The following USP40 variants were observed in gnomAD, a reference collection of about 807,000 sequenced individuals.
The protein encoded by USP40 is ubiquitin carboxyl-terminal hydrolase 40.
Under a neutral mutation model 166.2 loss-of-function variants are expected in USP40, and 143 were observed. The observed-to-expected ratio is 0.86, with a 90% CI of 0.75 to 0.99. USP40 has a LOEUF of 0.99. USP40 is among the 50% of genes least tolerant of loss of function. The pLI is 0.00. For synonymous variants in USP40, 498 were observed against 524.0 expected, an observed-to-expected ratio of 0.95 and a Z score of 0.68; for missense variants, 1,444 against 1,479.7, an observed-to-expected ratio of 0.98 and a Z score of 0.40.
intron 18 of USP40, among the ~76,000 whole-genome samples, chr2:233,515,941 T>C (rs1382647581): frequency 6.6e-6 from 1 of 152,216 alleles, no homozygotes; most frequent in Non-Finnish European, 1.5e-5. Context: ...AAAAATGCTA[T>C]CTCTCTGCAT....
chr2:233,515,676 G>C (rs1423202046), intron 18 of USP40, among the ~76,000 whole-genome samples: 1 of 152,064 alleles, frequency 6.6e-6, no homozygotes, highest in Non-Finnish European at 1.5e-5. Flanking sequence ...AAGAGTAGAA[G>C]TTTAAAATTT....
chr2:233,533,622 CTA>C lies in USP40; in HGVS notation c.1326_1327del (p.Asn442LysfsTer9). On this transcript the variant is annotated frameshift_variant, in exon 11 of 32. Coordinates refer to ENST00000678225, the MANE Select transcript of USP40 (RefSeq NM_001365479.2). LOFTEE classifies it high-confidence loss of function. ...ATCAAACCAGTGGGGACAGGAGATG[CTA>C]TTGTTTAAACCTGGGGATTCTGGAG... 1 of 1,613,710 alleles carries C rather than the reference CTA, an allele frequency of 6.2e-7. No individual in the cohort carries two copies. The highest frequency in any genetic ancestry group is 2.2e-5 in the East Asian group (1 of 44,856).
chr2:233,517,955 C>A (rs2067353691), intron 18 of USP40, among the ~76,000 whole-genome samples: 2 of 149,616 alleles, frequency 1.3e-5, no homozygotes, highest in South Asian at 4.3e-4. Context: ...TATGTTCTCA[C>A]TGATACGTGG....
chr2:233,566,732 C>A lies in USP40; in HGVS notation c.-68G>T. On this transcript the variant is annotated 5_prime_UTR_variant, in exon 1 of 32. Transcript: ENST00000678225. ...CTGGCCAAAACGCGAAGCGAACGAA[C>A]CCGCCCCAACTGGGCGCCGCCATGT... 1.0e-6 allele frequency: 1 copy of A among 985,996 alleles called. No homozygotes were observed. The highest frequency in any genetic ancestry group is 1.2e-6 in the Non-Finnish European group (1 of 830,008). 61.1% of individuals were successfully genotyped at this position (985,996 alleles called of 1,614,324 possible).
At position 233,524,315 on chromosome 2, in the gene USP40, A is replaced by G. The variant is rs935194975; in HGVS notation, c.1881+177T>C. On this transcript the variant is annotated intron_variant, in intron 15 of 31. Coordinates refer to ENST00000678225, the MANE Select transcript of USP40 (RefSeq NM_001365479.2). ...TAGCTAATTTTTGTATTTTTAATAGAGATGGGGCTTCACTATGATGGCCAG... is the reference window on the plus strand; with the variant it reads ...TAGCTAATTTTTGTATTTTTAATAGGGATGGGGCTTCACTATGATGGCCAG... Among the ~76,000 whole-genome samples, 19 of 152,174 alleles carry G rather than the reference A, an allele frequency of 1.2e-4. 1 individual carries two copies. Among genetic ancestry groups the G allele is most frequent in the African/African-American group, 4.6e-4 (19 of 41,444 alleles).
At chr2:233,522,149 C>G (rs929930449) in intron 16 of USP40, among the ~76,000 whole-genome samples, 1 of 152,160 alleles carries the variant, frequency 6.6e-6, no homozygotes, top group Non-Finnish European at 1.5e-5. Context: ...CTACAAATCT[C>G]AAGGTTGGGC....
chr2:233,529,796 T>TTC (rs2068353151), intron 11 of USP40, among the ~76,000 whole-genome samples: 2 of 132,246 alleles, frequency 1.5e-5, no homozygotes, highest in African/African-American at 2.9e-5. Flanking sequence ...TTCATCTTTT[T>TTC]TTTTTCTTTT....
chr2:233,491,428 G>T, intron 25 of USP40, 167 bp from the exon 26 acceptor site: 1 of 622,192 alleles, frequency 1.6e-6, no homozygotes, highest in African/African-American at 1.8e-5. Context: ...AAGCAGGCAG[G>T]GACATGTTGT....
chr2:233,502,837 T>C (rs963182996), intron 21 of USP40, among the ~76,000 whole-genome samples: 7 of 151,050 alleles, frequency 4.6e-5, no homozygotes, highest in Non-Finnish European at 8.8e-5. Flanking sequence ...CAACAACACA[T>C]CATTTCCAAC....
intron 3 of USP40, among the ~76,000 whole-genome samples, chr2:233,560,332 C>T (rs2071463147): frequency 6.6e-6 from 1 of 152,172 alleles, no homozygotes; most frequent in Admixed American, 6.5e-5. Context: ...TCTCAGCACA[C>T]CCTGCCTCAC....
chr2:233,565,128 C>T (rs2072022503), intron 2 of USP40, among the ~76,000 whole-genome samples: 1 of 152,044 alleles, frequency 6.6e-6, no homozygotes, highest in Non-Finnish European at 1.5e-5. Context: ...AAATATATTG[C>T]TTTATTTTTT....
intron 20 of USP40, among the ~76,000 whole-genome samples, chr2:233,511,179 T>G (rs1174500627): frequency 6.6e-6 from 1 of 152,172 alleles, no homozygotes; most frequent in Non-Finnish European, 1.5e-5. Context: ...AGGTCAAACC[T>G]GATGGTGTTT....
intron 5 of USP40, 94 bp downstream of exon 5, chr2:233,556,761 C>A: frequency 1.7e-6 from 2 of 1,165,790 alleles, no homozygotes; most frequent in East Asian, 3.0e-5. Flanking sequence ...TAGTAATAAA[C>A]ACTTTAATCC....
rs1170204681 is a variant in USP40 at position 233,523,471 on chromosome 2, G to A, written c.1900C>T (p.Gln634Ter). ...AGAGGTTCGCAGTCAATACCAGTTT[G>A]AATGTGGACTCCACCAACCTGCAAT... ...NGVEVGGVHI[Q>*]TGIDCEPLLL... Residue 634 changes from glutamine (Q) to a stop codon, truncating the protein, a stop_gained, in exon 16 of 32, where the codon CAA becomes TAA. Transcript: ENST00000678225. LOFTEE classifies it high-confidence loss of function. 6.2e-7 allele frequency: 1 copy of A among 1,613,318 alleles called. No individual in the cohort carries two copies. The highest frequency in any genetic ancestry group is 8.5e-7 in the Non-Finnish European group (1 of 1,179,456).
At chr2:233,510,019 C>A in intron 21 of USP40, 30 bp downstream of exon 21, 2 of 1,507,842 alleles carry the variant, frequency 1.3e-6, no homozygotes, top group Non-Finnish European at 1.8e-6. Flanking sequence ...ACACACACAG[C>A]CTCTGAAAAC....
chr2:233,565,632 C>T (rs2072077425), intron 1 of USP40, 59 bp from the exon 2 acceptor site: 2 of 1,390,124 alleles, frequency 1.4e-6, no homozygotes, highest in African/African-American at 1.4e-5. Context: ...CCCAAATCCC[C>T]CTACCTTACA....
chr2:233,496,669 C>T, intron 24 of USP40, 89 bp downstream of exon 24: 1 of 1,056,036 alleles, frequency 9.5e-7, no homozygotes. Context: ...GTCTGAATTT[C>T]CCCATTTTCC....
chr2:233,512,589 T>C lies in USP40; in HGVS notation c.2417A>G (p.Asn806Ser), dbSNP rs1441097685. The change falls in exon 19 of 32, where the codon AAT (asparagine) becomes AGT (serine). Residue 806 changes from asparagine to serine, a missense_variant. Transcript: ENST00000678225. ...DNSCLRPIDR[N>S]GKLLCPVPDS... is the part of the protein sequence containing the mutation. ...TTTACCTGGACAAAGAAGCTTCCCA[T>C]TTCTATCAATAGGTCTCAAACAGCT... is the stretch of plus-strand genomic sequence containing the variant. 1 of 1,585,544 alleles carries C rather than the reference T, an allele frequency of 6.3e-7. No homozygotes were observed. The highest frequency in any genetic ancestry group is 1.4e-5 in the African/African-American group (1 of 73,366).
At chr2:233,540,640 C>T (rs1409690081) in intron 10 of USP40, 22 bp downstream of exon 10, 3 of 1,554,620 alleles carry the variant, frequency 1.9e-6, no homozygotes, top group Non-Finnish European at 8.8e-7. Flanking sequence ...CTAGGACTTC[C>T]CAAAACGATG....
Sources: allele counts gnomAD v4.1 joint callset (sites outside exome capture counted in the v4.1 genomes callset), GRCh38; gene constraint gnomAD v4.1.1; transcripts MANE v1.5; gene names NCBI Gene and HGNC (gene_info 2026-07-23, HGNC 2026-07-21).